Variants in CNTN5 observed in about 807,000 individuals in gnomAD.
The protein encoded by CNTN5 is contactin-5.
CNTN5 carries 77 observed loss-of-function variants against 129.1 expected under a neutral mutation model. That is an observed-to-expected ratio of 0.60 (90% CI 0.50 to 0.72). The LOEUF is 0.72. Among genes scored for constraint, CNTN5 ranks in the 30% least tolerant of loss-of-function variants. The pLI is 0.00. For synonymous variants in CNTN5, 509 were observed against 465.6 expected, an observed-to-expected ratio of 1.09 and a Z score of -1.20; for missense variants, 1,478 against 1,328.8, an observed-to-expected ratio of 1.11 and a Z score of -1.75.
chr11:99,562,459 A>C (rs1948872829), intron 3 of CNTN5, among the ~76,000 whole-genome samples: 1 of 152,138 alleles, frequency 6.6e-6, no homozygotes, highest in African/African-American at 2.4e-5. Flanking sequence ...GAAAAAAATA[A>C]ATTATCTTTT....
chr11:100,146,778 T>G (rs918552078), intron 13 of CNTN5, among the ~76,000 whole-genome samples: 1 of 152,162 alleles, frequency 6.6e-6, no homozygotes, highest in African/African-American at 2.4e-5. Context: ...TAAAGGGATA[T>G]AAATGATTAG....
intron 3 of CNTN5, among the ~76,000 whole-genome samples, chr11:99,602,251 C>A (rs1950335615): frequency 6.6e-6 from 1 of 151,844 alleles, no homozygotes; most frequent in South Asian, 2.1e-4. Flanking sequence ...ATATTAACTT[C>A]TAGTTTCTAT....
At chr11:99,615,757 G>T (rs928986468) in intron 3 of CNTN5, among the ~76,000 whole-genome samples, 8 of 145,398 alleles carry the variant, frequency 5.5e-5, no homozygotes, top group South Asian at 2.2e-4. Flanking sequence ...TACACATCTT[G>T]TTTTTTTTTT....
intron 6 of CNTN5, among the ~76,000 whole-genome samples, chr11:99,854,361 G>A (rs1048098652): frequency 1.2e-4 from 19 of 152,094 alleles, no homozygotes; most frequent in African/African-American, 4.6e-4. Context: ...GGTATACAGA[G>A]GACACCAAAG....
At chr11:99,515,354 G>A (rs1404457091) in intron 2 of CNTN5, among the ~76,000 whole-genome samples, 4 of 152,012 alleles carry the variant, frequency 2.6e-5, no homozygotes, top group Non-Finnish European at 5.9e-5. Context: ...ATTCCTGCTA[G>A]AGAAAAATGA....
intron 13 of CNTN5, among the ~76,000 whole-genome samples, chr11:100,165,268 G>A (rs1050645398): frequency 1.3e-4 from 19 of 151,744 alleles, no homozygotes; most frequent in Non-Finnish European, 2.7e-4. Flanking sequence ...ATAGATCTTG[G>A]TGCCCCTCCT....
intron 21 of CNTN5, chr11:100,337,421 C>A: frequency 1.3e-6 from 1 of 763,964 alleles, no homozygotes; most frequent in East Asian, 2.5e-5. Flanking sequence ...AAGAGTGAAG[C>A]AGCCTCCCTG....
chr11:99,454,494 T>C (rs532671306), intron 2 of CNTN5, among the ~76,000 whole-genome samples: 1 of 152,252 alleles, frequency 6.6e-6, no homozygotes, highest in East Asian at 1.9e-4. Flanking sequence ...TCCTGCTGCC[T>C]TGTGAAGAAG....
intron 2 of CNTN5, among the ~76,000 whole-genome samples, chr11:99,332,578 C>G (rs1866044743): frequency 6.6e-6 from 1 of 151,924 alleles, no homozygotes; most frequent in Admixed American, 6.6e-5. Flanking sequence ...CAAATTATTT[C>G]TCCAGATTGA....
intron 1 of CNTN5, among the ~76,000 whole-genome samples, chr11:99,070,074 G>A (rs1372658315): frequency 6.6e-6 from 1 of 152,098 alleles, no homozygotes; most frequent in Non-Finnish European, 1.5e-5. Context: ...GCTTCCTGAC[G>A]ACCACTTAGT....
At chr11:99,501,041 C>A (rs891862134) in intron 2 of CNTN5, among the ~76,000 whole-genome samples, 1 of 151,858 alleles carries the variant, frequency 6.6e-6, no homozygotes, top group African/African-American at 2.4e-5. Context: ...TGTATATATT[C>A]TCTGTTTTGT....
intron 2 of CNTN5, among the ~76,000 whole-genome samples, chr11:99,367,796 A>T (rs774086789): frequency 3.6e-4 from 55 of 152,140 alleles, no homozygotes; most frequent in Non-Finnish European, 6.9e-4. Flanking sequence ...AAATTGAATG[A>T]ATTAAGAACA....
At position 100,046,069 on chromosome 11, in the gene CNTN5, T is replaced by C. The variant is rs1170616318; in HGVS notation, c.981-15143T>C. ...TGTGCTGCACCCATTAACTCACTCA[T>C]AGGTGGGAATTGAACAATGAGAACA... On this transcript the variant is annotated intron_variant, in intron 9 of 24. Transcript: ENST00000524871. 2.1e-5 allele frequency among the ~76,000 whole-genome samples: 3 copies of C among 141,688 alleles called. No individual in the cohort carries two copies. In the East Asian group the frequency reaches 6.2e-4, roughly 29 times the overall value. 93.0% of individuals were successfully genotyped at this position (141,688 alleles called of 152,430 possible). A position where few individuals can be genotyped will look rare whatever the true frequency, so the allele number is the denominator to read the frequency against.
chr11:100,344,005 C>A (rs1213200039), intron 23 of CNTN5, among the ~76,000 whole-genome samples: 1 of 152,080 alleles, frequency 6.6e-6, no homozygotes, highest in East Asian at 1.9e-4. Flanking sequence ...ATTCTTGGAA[C>A]ATTTGAAGCA....
chr11:99,533,992 C>A (rs1391654516), intron 2 of CNTN5, among the ~76,000 whole-genome samples: 1 of 152,140 alleles, frequency 6.6e-6, no homozygotes, highest in Non-Finnish European at 1.5e-5. Context: ...TTAATTTTTA[C>A]CTTTTAATGC....
At chr11:99,500,655 GTATTCCATGAATTGTATATATCTTAATT>G (rs1466473237) in intron 2 of CNTN5, among the ~76,000 whole-genome samples, 1 of 151,888 alleles carries the variant, frequency 6.6e-6, no homozygotes, top group Admixed American at 6.6e-5. Flanking sequence ...TGGCTACATA[GTATTCCATGAATTGTATATATCTTAATT>G]TATGTATGTA....
intron 2 of CNTN5, among the ~76,000 whole-genome samples, chr11:99,420,064 A>G (rs1273250390): frequency 6.6e-6 from 1 of 152,088 alleles, no homozygotes; most frequent in Non-Finnish European, 1.5e-5. Flanking sequence ...GGAAACAGAC[A>G]TGTCTAGTGT....
intron 13 of CNTN5, among the ~76,000 whole-genome samples, chr11:100,155,486 A>T (rs1290946848): frequency 6.6e-6 from 1 of 151,930 alleles, no homozygotes; most frequent in African/African-American, 2.4e-5. Flanking sequence ...TTTGCTTAGG[A>T]TTGTCTTGGC....
intron 3 of CNTN5, among the ~76,000 whole-genome samples, chr11:99,577,044 C>G (rs911095614): frequency 6.6e-6 from 1 of 152,098 alleles, no homozygotes; most frequent in African/African-American, 2.4e-5. Flanking sequence ...TTATGAATTT[C>G]TTTTATTAAT....
Sources: allele counts gnomAD v4.1 joint callset (sites outside exome capture counted in the v4.1 genomes callset), GRCh38; gene constraint gnomAD v4.1.1; transcripts MANE v1.5; gene names NCBI Gene and HGNC (gene_info 2026-07-23, HGNC 2026-07-21).